Variants in GLG1 observed in about 807,000 individuals in gnomAD.
GLG1 encodes Golgi apparatus protein 1.
In GLG1, 38 loss-of-function variants were observed where a neutral mutation model predicts 160.5. The ratio of observed to expected loss-of-function variants is 0.24; its 90% confidence interval spans 0.18 to 0.31. The LOEUF (loss-of-function observed/expected upper bound fraction) is 0.31, where lower values mean the gene tolerates loss of function less well. GLG1 is among the 10% of genes least tolerant of loss of function. The pLI is 1.00. For synonymous variants in GLG1, 644 were observed against 543.4 expected, an observed-to-expected ratio of 1.19 and a Z score of -2.57; for missense variants, 1,373 against 1,505.2, an observed-to-expected ratio of 0.91 and a Z score of 1.45.
intron 15 of GLG1, among the ~76,000 whole-genome samples, chr16:74,470,945 C>T (rs12447531): frequency 0.31 from 47,314 of 151,534 alleles, 7,590 homozygotes; most frequent in Middle Eastern, 0.39. Context: ...TCAGTAGAGA[C>T]GGAGTTTCAC....
intron 1 of GLG1, among the ~76,000 whole-genome samples, chr16:74,569,963 G>A (rs1391020920): frequency 3.3e-5 from 5 of 149,708 alleles, no homozygotes; most frequent in South Asian, 2.1e-4. Flanking sequence ...CCAGTGGATC[G>A]CTTGAGCCCA....
chr16:74,531,856 A>T (rs1432784166), intron 2 of GLG1, among the ~76,000 whole-genome samples: 2 of 152,222 alleles, frequency 1.3e-5, no homozygotes, highest in Admixed American at 6.5e-5. Context: ...TAAAGTTGTA[A>T]ACTTGATAAG....
At chr16:74,492,768 G>A (rs926256718) in intron 7 of GLG1, among the ~76,000 whole-genome samples, 189 bp downstream of exon 7, 11 of 151,150 alleles carry the variant, frequency 7.3e-5, no homozygotes, top group African/African-American at 1.9e-4. Flanking sequence ...GCAGTGAGCC[G>A]AGATTGCGCC....
At chr16:74,521,528 T>C (rs2017164183) in intron 2 of GLG1, among the ~76,000 whole-genome samples, 1 of 151,940 alleles carries the variant, frequency 6.6e-6, no homozygotes, top group Non-Finnish European at 1.5e-5. Context: ...AGGAGAAGAA[T>C]CAAGGTTTCT....
intron 1 of GLG1, among the ~76,000 whole-genome samples, chr16:74,572,782 G>T (rs2018868506): frequency 6.6e-6 from 1 of 152,088 alleles, no homozygotes. Context: ...TGAACCCAAG[G>T]ATAGTGAGGG....
chr16:74,568,777 A>G (rs1003640661), intron 1 of GLG1, among the ~76,000 whole-genome samples: 1 of 152,240 alleles, frequency 6.6e-6, no homozygotes, highest in African/African-American at 2.4e-5. Context: ...TCAGGTGCAC[A>G]TGCAAAGTAA....
At chr16:74,579,678 G>A (rs1172797824) in intron 1 of GLG1, among the ~76,000 whole-genome samples, 2 of 143,558 alleles carry the variant, frequency 1.4e-5, no homozygotes, top group South Asian at 4.5e-4. Context: ...GCTGAGATTG[G>A]GCCACTGCAC....
intron 1 of GLG1, among the ~76,000 whole-genome samples, chr16:74,590,068 G>C (rs534723725): frequency 3.3e-5 from 5 of 151,950 alleles, no homozygotes; most frequent in South Asian, 4.2e-4. Flanking sequence ...GCAGTGACAC[G>C]ATCTCTGCAA....
chr16:74,565,012 A>G (rs986738949), intron 1 of GLG1, among the ~76,000 whole-genome samples: 6 of 152,204 alleles, frequency 3.9e-5, no homozygotes, highest in Non-Finnish European at 8.8e-5. Flanking sequence ...ATGGATGCCT[A>G]AAGTTTTGTC....
Position 74,461,798 on chromosome 16 carries a change from C to A in GLG1, c.3036+296G>T, listed in dbSNP as rs1420600100. ...AAGCACTTTTATCTTTCTGGCAGGT[C>A]TTGGGTTTACCATCCAGAATAAGAA... On this transcript the variant is annotated intron_variant, in intron 22 of 25. Coordinates refer to ENST00000422840, the MANE Select transcript of GLG1 (RefSeq NM_001145667.2). 1.2e-4 allele frequency: 28 copies of A among 242,492 alleles called. No homozygotes were observed. In the East Asian group the frequency reaches 2.4e-3, roughly 21 times the overall value. 15.0% of individuals were successfully genotyped at this position (242,492 alleles called of 1,614,324 possible).
intron 5 of GLG1, among the ~76,000 whole-genome samples, chr16:74,495,895 A>C (rs950478011): frequency 4.6e-5 from 7 of 152,142 alleles, no homozygotes; most frequent in African/African-American, 1.7e-4. Flanking sequence ...CTATACTGGG[A>C]CCAATTTCTT....
At chr16:74,502,661 A>C (rs1165063188) in intron 4 of GLG1, among the ~76,000 whole-genome samples, 3 of 149,766 alleles carry the variant, frequency 2.0e-5, no homozygotes, top group Non-Finnish European at 4.4e-5. Flanking sequence ...CTTCTGCCTC[A>C]GCCTCCCAAG....
intron 1 of GLG1, among the ~76,000 whole-genome samples, chr16:74,541,561 C>T (rs992607942): frequency 1.3e-5 from 2 of 152,144 alleles, no homozygotes; most frequent in African/African-American, 4.8e-5. Context: ...GTAAATCCTG[C>T]TTTACCTACC....
intron 1 of GLG1, among the ~76,000 whole-genome samples, chr16:74,592,522 T>C (rs920709365): frequency 6.6e-6 from 1 of 152,150 alleles, no homozygotes; most frequent in Non-Finnish European, 1.5e-5. Context: ...TTCCAGTTTA[T>C]TTCACACTTC....
chr16:74,455,385 C>T (rs1469380033), intron 25 of GLG1, among the ~76,000 whole-genome samples: 4 of 152,264 alleles, frequency 2.6e-5, no homozygotes, highest in Middle Eastern at 6.8e-3. Context: ...CAAAACAAGC[C>T]GTGAATTACT....
Position 74,606,977 on chromosome 16 carries a change from G to C in GLG1, c.118C>G (p.Gln40Glu). 6.2e-7 allele frequency: 1 copy of C among 1,607,992 alleles called. No homozygotes were observed. The highest frequency in any genetic ancestry group is 1.1e-5 in the South Asian group (1 of 90,692). Residue 40 changes from glutamine to glutamate, a missense_variant, in exon 1 of 26, where the codon CAG (glutamine) becomes GAG (glutamate). Gln to Glu is a conservative substitution (Grantham distance 29). Around this residue, in one of 4 missense-constraint regions of GLG1, gnomAD observed 322 missense variants for 254.6 expected, o/e 1.26. Coordinates refer to ENST00000422840, the MANE Select transcript of GLG1 (RefSeq NM_001145667.2). ...GACACAAAGTTGGCCCCGGGACCCT[G>C]GCCCTGGCTGTGGACGCCCTGGCCG... The part of the protein sequence containing the change: ...LPGQGVHSQG[Q>E]GPGANFVSFV...
chr16:74,509,624 C>T (rs1255658283), intron 2 of GLG1, among the ~76,000 whole-genome samples: 3 of 151,582 alleles, frequency 2.0e-5, no homozygotes, highest in South Asian at 2.1e-4. Context: ...CAGAGGCGGG[C>T]GGATCACGAG....
At chr16:74,488,227 A>T (rs1323996230) in intron 8 of GLG1, among the ~76,000 whole-genome samples, 1 of 152,136 alleles carries the variant, frequency 6.6e-6, no homozygotes, top group Non-Finnish European at 1.5e-5. Context: ...CTGCTGTATT[A>T]GGAAGAAAAA....
chr16:74,498,868 C>CAAAAA (rs57372225), intron 4 of GLG1, among the ~76,000 whole-genome samples: 8 of 75,778 alleles, frequency 1.1e-4, no homozygotes, highest in Admixed American at 2.0e-4. Flanking sequence ...CCGTCTCAGG[C>CAAAAA]AAAAAAAAAA....
Sources: allele counts gnomAD v4.1 joint callset (sites outside exome capture counted in the v4.1 genomes callset), GRCh38; gene constraint gnomAD v4.1.1; regional missense constraint gnomAD v4.1.1; transcripts MANE v1.5; gene names NCBI Gene and HGNC (gene_info 2026-07-23, HGNC 2026-07-21).